The following LMF1 variants were observed in gnomAD, a reference collection of about 807,000 sequenced individuals.
The protein encoded by LMF1 is transmembrane protein 112.
A neutral mutation model predicts 60.6 loss-of-function variants in LMF1; 68 were observed. The observed-to-expected ratio is 1.12, with a 90% CI of 0.92 to 1.37. The LOEUF (loss-of-function observed/expected upper bound fraction) is 1.37. Among genes scored for constraint, LMF1 ranks in the 40% most tolerant of loss-of-function variants. The pLI is 0.00. For synonymous variants in LMF1, 418 were observed against 324.7 expected (o/e 1.29, Z -3.09); for missense variants, 948 against 767.2 (o/e 1.24, Z -2.78).
At chr16:943,237 G>A (rs1349352308) in intron 2 of LMF1, among the ~76,000 whole-genome samples, 5 of 151,970 alleles carry the variant, frequency 3.3e-5, no homozygotes, top group Non-Finnish European at 7.4e-5. Context: ...CAGGTGTGGT[G>A]GTGGGCGCCT....
chr16:954,576 T>C lies in LMF1; in HGVS notation c.284A>G (p.Gln95Arg). 1 of 1,613,238 alleles carries C rather than the reference T, an allele frequency of 6.2e-7. No homozygotes were observed. The highest frequency in any genetic ancestry group is 1.1e-5 in the South Asian group (1 of 91,080). The change falls in exon 2 of 11, where the codon CAG (glutamine) becomes CGG (arginine). Residue 95 changes from glutamine to arginine, a missense_variant. Transcript: ENST00000262301. Reference sequence around the variant, plus strand: ...GCTCGTCCTGTCCTGGAAGTACTGCTGGAAGTTCTTCAGGAACACTCTGCA... The same window carrying C: ...GCTCGTCCTGTCCTGGAAGTACTGCCGGAAGTTCTTCAGGAACACTCTGCA... ...LPCRVFLKNF[Q>R]QYFQDRTSWE...
At chr16:907,045 G>C (rs2070989396) in intron 4 of LMF1, among the ~76,000 whole-genome samples, 1 of 152,164 alleles carries the variant, frequency 6.6e-6, no homozygotes, top group Non-Finnish European at 1.5e-5. Context: ...TTATGGTTCT[G>C]AATGTTATTA....
At chr16:931,933 G>T in intron 3 of LMF1, 1 of 694,138 alleles carries the variant, frequency 1.4e-6, no homozygotes. Flanking sequence ...AATGTATGAC[G>T]CTCACCTGAA....
chr16:877,128 C>T (rs569427335), intron 6 of LMF1, among the ~76,000 whole-genome samples: 1 of 152,132 alleles, frequency 6.6e-6, no homozygotes, highest in Non-Finnish European at 1.5e-5. Context: ...CCCTGGAGTT[C>T]AAAACCAGAC....
intron 1 of LMF1, among the ~76,000 whole-genome samples, chr16:963,536 C>A (rs1054069046): frequency 2.0e-5 from 3 of 152,048 alleles, no homozygotes. Flanking sequence ...TGCAGGGATG[C>A]ATGTGTGTAT....
chr16:947,762 C>T (rs370560487), intron 2 of LMF1: 27 of 357,384 alleles, frequency 7.6e-5, no homozygotes, highest in East Asian at 4.5e-4. Flanking sequence ...TCAGAGCCAA[C>T]GAGAGAGTCA....
chr16:880,182 G>T (rs1388289583), intron 5 of LMF1, among the ~76,000 whole-genome samples: 3 of 152,178 alleles, frequency 2.0e-5, no homozygotes, highest in Non-Finnish European at 2.9e-5. Flanking sequence ...ATGGACACGT[G>T]GGTGGGGACG....
Position 905,282 on chromosome 16 carries a change from G to GACA in LMF1, c.663+5648_663+5649insTGT, listed in dbSNP as rs2151748439. 5 of 137,446 alleles carry GACA rather than the reference G, an allele frequency of 3.6e-5. No homozygotes were observed. The South Asian group carries it at 6.1e-4, about 17-fold the overall frequency. The allele number at this position is 137,446 out of a possible 1,614,324, so 8.5% of individuals were successfully genotyped here. A position where few individuals can be genotyped will look rare whatever the true frequency, so the allele number is the denominator to read the frequency against. ...GGTGGTGACCTCTGCACTGCCCGTG[G>GACA]GGACGCCTGTCTCTGCTGCGTGGTG... On this transcript the variant is annotated intron_variant, in intron 4 of 10. Transcript: ENST00000262301.
intron 4 of LMF1, 94 bp from the exon 5 acceptor site, chr16:893,166 C>G: frequency 9.0e-7 from 1 of 1,105,284 alleles, no homozygotes; most frequent in Non-Finnish European, 1.3e-6. Flanking sequence ...GAACCATCCA[C>G]GAAGGCCGTG....
At chr16:977,145 C>T (rs2073171887) in intron 1 of LMF1, 4 of 452,906 alleles carry the variant, frequency 8.8e-6, no homozygotes, top group South Asian at 3.1e-5. Flanking sequence ...GCCCTGTGAG[C>T]GCCAGGAAGC....
In LMF1 at chr16:853,682, G is replaced by A. The variant is rs575187202; in HGVS notation, c.*850C>T. On this transcript the variant is annotated 3_prime_UTR_variant, in exon 11 of 11. Coordinates refer to ENST00000262301, the MANE Select transcript of LMF1 (RefSeq NM_022773.4). ...TATAATAGGAATAGTAGAAGAATATGCCATAGCTATGGCTCAAGAATAGGA... is the reference window on the plus strand; with the variant it reads ...TATAATAGGAATAGTAGAAGAATATACCATAGCTATGGCTCAAGAATAGGA... The A allele has an allele frequency of 2.2e-6, 1 of 454,124 alleles. No homozygotes were observed. The highest frequency in any genetic ancestry group is 2.3e-5 in the Admixed American group (1 of 42,584). 28.1% of individuals were successfully genotyped at this position (454,124 alleles called of 1,614,324 possible). A position where few individuals can be genotyped will look rare whatever the true frequency, so the allele number is the denominator to read the frequency against.
At chr16:980,284 AC>A (rs2073310828) in intron 1 of LMF1, 1 of 156,880 alleles carries the variant, frequency 6.4e-6, no homozygotes, top group South Asian at 1.9e-4. Flanking sequence ...GGGTCTGCGG[AC>A]GGGGGCGGGC....
At chr16:952,607 C>T (rs1013183980) in intron 2 of LMF1, 2 of 153,690 alleles carry the variant, frequency 1.3e-5, no homozygotes, top group Non-Finnish European at 2.9e-5. Context: ...GGACAGGGTC[C>T]TGGTTCCGAC....
intron 6 of LMF1, among the ~76,000 whole-genome samples, chr16:879,351 G>A (rs897780588): frequency 6.6e-6 from 1 of 152,208 alleles, no homozygotes; most frequent in African/African-American, 2.4e-5. Flanking sequence ...GGAGGAGCCA[G>A]TCCTTGGAGG....
intron 4 of LMF1, among the ~76,000 whole-genome samples, chr16:895,455 C>A (rs117697713): frequency 0.018 from 2,710 of 152,288 alleles, 55 homozygotes; most frequent in East Asian, 0.1. Context: ...GCCTTCGGGG[C>A]GGCCGTGGGC....
At chr16:969,803 A>G (rs890370745) in intron 1 of LMF1, among the ~76,000 whole-genome samples, 1 of 152,140 alleles carries the variant, frequency 6.6e-6, no homozygotes, top group Admixed American at 6.5e-5. Flanking sequence ...AGCTCCTGAC[A>G]CGTTGGGCTT....
chr16:890,359 G>C (rs2070447241), intron 5 of LMF1, among the ~76,000 whole-genome samples: 1 of 152,220 alleles, frequency 6.6e-6, no homozygotes, highest in African/African-American at 2.4e-5. Flanking sequence ...GCCTTTTCAA[G>C]TCACAGTGGG....
rs1276354355 is a variant in LMF1, at chr16:870,016, T to A, written c.1283A>T (p.Asn428Ile). 1 of 1,612,772 alleles carries A rather than the reference T, an allele frequency of 6.2e-7. No homozygotes were observed. The highest frequency in any genetic ancestry group is 1.1e-5 in the South Asian group (1 of 91,082). The change falls in exon 9 of 11, where the codon AAC becomes ATC. Residue 428 changes from asparagine (N) to isoleucine (I), a missense_variant. Asn to Ile is a moderately radical substitution (Grantham distance 149, BLOSUM62 -3). Transcript: ENST00000262301. ...CCACATGGCATCGGGGGCGCTGGCG[T>A]TGGAGCTGGCTGTGCCCTGCAGGAT... Reference protein sequence around the residue: ...EVILQGTASSNASAPDAMWED... With the variant: ...EVILQGTASSIASAPDAMWED...
intron 3 of LMF1, among the ~76,000 whole-genome samples, chr16:923,622 C>T (rs139102520): frequency 0.01 from 1,561 of 152,208 alleles, 27 homozygotes; most frequent in African/African-American, 0.036. Flanking sequence ...TTTAGAAGGA[C>T]GTGGAGGAGG....
Sources: gnomAD v4.1 joint callset for allele counts (sites outside exome capture counted in the v4.1 genomes callset) on GRCh38, gnomAD v4.1.1 for gene constraint, MANE v1.5 for transcripts, NCBI Gene and HGNC (gene_info 2026-07-23, HGNC 2026-07-21) for gene names.